IQSEC1: variants seen among roughly 807,000 people sequenced by gnomAD.
IQSEC1 encodes IQ motif and Sec7 domain ArfGEF 1, also known as IQ motif and SEC7 domain-containing protein 1.
A neutral mutation model predicts 91.0 loss-of-function variants in IQSEC1; 31 were observed. The ratio of observed to expected loss-of-function variants is 0.34; its 90% CI spans 0.26 to 0.46. The LOEUF is 0.46. Ranked by LOEUF, IQSEC1 falls within the 20% of genes least tolerant of loss-of-function variation. The pLI is 1.00. For synonymous variants in IQSEC1, 699 were observed against 662.6 expected (o/e 1.05, Z -0.84); for missense variants, 1,388 against 1,575.6 (o/e 0.88, Z 2.02).
At chr3:13,165,272 C>T (rs538815262) in intron 1 of IQSEC1, among the ~76,000 whole-genome samples, 34 of 152,180 alleles carry the variant, frequency 2.2e-4, no homozygotes, top group African/African-American at 7.7e-4. Flanking sequence ...ATGGTCCCCA[C>T]GGCAGCAGGT....
chr3:12,930,132 C>T (rs1484822552), intron 3 of IQSEC1, among the ~76,000 whole-genome samples: 1 of 152,198 alleles, frequency 6.6e-6, no homozygotes, highest in Non-Finnish European at 1.5e-5. Context: ...GCACTGAGTG[C>T]TTACCCTGGT....
chr3:13,212,679 C>T (rs1202876310), intron 1 of IQSEC1, among the ~76,000 whole-genome samples: 1 of 152,210 alleles, frequency 6.6e-6, no homozygotes, highest in Non-Finnish European at 1.5e-5. Context: ...CTCATCAACA[C>T]TTGTCATTGT....
At chr3:12,902,309 CAAG>C (rs993568501) in intron 13 of IQSEC1, among the ~76,000 whole-genome samples, 1 of 152,032 alleles carries the variant, frequency 6.6e-6, no homozygotes, top group Non-Finnish European at 1.5e-5. Context: ...AATCAAACTC[CAAG>C]AAGAAAGCGA....
intron 2 of IQSEC1, among the ~76,000 whole-genome samples, chr3:13,150,672 T>A (rs997009336): frequency 2.0e-5 from 3 of 152,040 alleles, no homozygotes; most frequent in Admixed American, 1.3e-4. Context: ...ATGCATTCGA[T>A]CTCCTCACAA....
rs543205876 is a variant in IQSEC1 at position 12,940,002 on chromosome 3, G to C, written c.318+1569C>G. ...GGCGTTCAGATAATATGCATGGAAT[G>C]AAAATGAATAGCTGCAGTCCTATTA... On this transcript the variant is annotated intron_variant, in intron 2 of 13. Coordinates refer to ENST00000613206, the MANE Select transcript of IQSEC1 (RefSeq NM_001134382.3). This position sits in a 1 kb window ranked among gnomAD's most constrained non-coding sequence, Gnocchi z 4.4. 3.9e-5 allele frequency among the ~76,000 whole-genome samples: 6 copies of C among 152,244 alleles called. No homozygotes were observed. Among genetic ancestry groups the C allele is most frequent in the Non-Finnish European group, 8.8e-5 (6 of 68,042 alleles).
chr3:13,088,540 G>C (rs1022033690), intron 2 of IQSEC1, among the ~76,000 whole-genome samples: 1 of 151,822 alleles, frequency 6.6e-6, no homozygotes, highest in African/African-American at 2.4e-5. Context: ...AATGGCCTTA[G>C]TACCCTCCCT....
chr3:12,899,113 TTGG>T lies in IQSEC1; in HGVS notation c.*1867_*1869del, dbSNP rs1460745213. 1.9e-6 allele frequency: 1 copy of T among 519,768 alleles called. No homozygotes were observed. The highest frequency in any genetic ancestry group is 3.1e-5 in the East Asian group (1 of 32,184). 32.2% of individuals were successfully genotyped at this position (519,768 alleles called of 1,614,324 possible). A position where few individuals can be genotyped will look rare whatever the true frequency, so the allele number is the denominator to read the frequency against. ...CTCTCTCTGGAGATTAACAAAGTGC[TTGG>T]TTTGCAGATTTGCTGGTACGGTGAT... On this transcript the variant is annotated 3_prime_UTR_variant, in exon 14 of 14. Transcript: ENST00000613206.
At chr3:13,217,577 C>T (rs916987389) in intron 1 of IQSEC1, among the ~76,000 whole-genome samples, 3 of 152,338 alleles carry the variant, frequency 2.0e-5, no homozygotes, top group South Asian at 2.1e-4. Context: ...GGCACCTCCA[C>T]AGCTGGTCCA....
At chr3:13,272,836 G>A (rs1182295750) in intron 1 of IQSEC1, among the ~76,000 whole-genome samples, 1 of 152,156 alleles carries the variant, frequency 6.6e-6, no homozygotes, top group Non-Finnish European at 1.5e-5. Flanking sequence ...AGGCTGCAGC[G>A]TTAAAGGGAT....
intron 1 of IQSEC1, chr3:12,987,102 G>A (rs1460539605): frequency 2.1e-5 from 7 of 338,408 alleles, no homozygotes; most frequent in Admixed American, 3.8e-5. Flanking sequence ...CGGCCAGTGC[G>A]GGTCATAAAC....
chr3:13,278,228 G>A (rs890380728), intron 1 of IQSEC1, among the ~76,000 whole-genome samples: 1 of 152,126 alleles, frequency 6.6e-6, no homozygotes, highest in Non-Finnish European at 1.5e-5. Context: ...AGAAAGCGAG[G>A]CAGGCCACTC....
intron 2 of IQSEC1, among the ~76,000 whole-genome samples, chr3:13,130,837 C>T (rs2124915847): frequency 6.6e-6 from 1 of 151,684 alleles, no homozygotes; most frequent in African/African-American, 2.4e-5. Flanking sequence ...TGCCTGTAGT[C>T]CCAGCTATGC....
At chr3:13,099,048 G>A (rs900033229) in intron 2 of IQSEC1, among the ~76,000 whole-genome samples, 1 of 152,216 alleles carries the variant, frequency 6.6e-6, no homozygotes, top group Non-Finnish European at 1.5e-5. Flanking sequence ...GGGGGATGGG[G>A]GGAACAGGCC....
At position 12,936,490 on chromosome 3, in the gene IQSEC1, A is replaced by G. The variant is rs1357819581; in HGVS notation, c.526T>C (p.Ser176Pro). 6.2e-7 allele frequency: 1 copy of G among 1,613,264 alleles called. No homozygotes were observed. Among genetic ancestry groups the G allele is most frequent in the Admixed American group, 1.7e-5 (1 of 60,008 alleles). The change falls in exon 3 of 14, where the codon TCC becomes CCC. Residue 176 changes from serine to proline, a missense_variant. Around this residue, in one of 2 missense-constraint regions of IQSEC1, gnomAD observed 1,059 missense variants for 1,317.8 expected, o/e 0.80. Transcript: ENST00000613206. ...SFEGPEKVHSSYFEGKQVSVT... is the reference protein window; with the variant it reads ...SFEGPEKVHSPYFEGKQVSVT... ...GAGACCTGCTTCCCCTCGAAGTAGG[A>G]GCTGTGCACTTTCTCAGGCCCCTCA...
intron 2 of IQSEC1, among the ~76,000 whole-genome samples, chr3:13,147,842 AG>A (rs1294544546): frequency 6.6e-6 from 1 of 152,224 alleles, no homozygotes; most frequent in African/African-American, 2.4e-5. Flanking sequence ...CATGTTGGCC[AG>A]GCTGGTCTCG....
At chr3:13,215,904 T>G (rs1202637172) in intron 1 of IQSEC1, among the ~76,000 whole-genome samples, 1 of 152,208 alleles carries the variant, frequency 6.6e-6, no homozygotes, top group Non-Finnish European at 1.5e-5. Context: ...ACAAGTATCC[T>G]CCGAGCCCCA....
chr3:12,936,061 G>A lies in IQSEC1; in HGVS notation c.955C>T (p.Arg319Trp), dbSNP rs773831156. 6.6e-5 allele frequency: 106 copies of A among 1,606,728 alleles called. No homozygotes were observed. Among genetic ancestry groups the A allele is most frequent in the Non-Finnish European group, 8.0e-5 (94 of 1,179,790 alleles). The change falls in exon 3 of 14, where the codon CGG (arginine) becomes TGG (tryptophan). Residue 319 changes from arginine (R) to tryptophan (W), a missense_variant. This residue lies in a region of IQSEC1 where 1,059 missense variants were observed against 1,317.8 expected (regional missense o/e 0.80). Transcript: ENST00000613206. ...DRPSSTESDL[R>W]LRAGGAAPDY... Reference sequence around the variant, plus strand: ...GGGGCTGCGCCCCCAGCCCGTAGCCGCAGGTCCGACTCGGTGCTGGACGGC... The same window carrying A: ...GGGGCTGCGCCCCCAGCCCGTAGCCACAGGTCCGACTCGGTGCTGGACGGC...
At position 13,017,078 on chromosome 3, in the gene IQSEC1, T is replaced by C. The variant is rs562461194; in HGVS notation, c.23+55914A>G. 2.6e-5 allele frequency among the ~76,000 whole-genome samples: 4 copies of C among 152,350 alleles called. No homozygotes were observed. In the South Asian group the frequency reaches 8.3e-4, roughly 32 times the overall value. On this transcript the variant is annotated intron_variant, in intron 1 of 13. Transcript: ENST00000613206. ...AACTTCATTTCTTTTTGTGGCTGAA[T>C]AATATTCCACACTATGGACAGACCA... is the stretch of plus-strand genomic sequence containing the variant.
chr3:12,946,444 T>A (rs1699186687), intron 1 of IQSEC1, among the ~76,000 whole-genome samples: 1 of 152,242 alleles, frequency 6.6e-6, no homozygotes, highest in South Asian at 2.1e-4. Flanking sequence ...GAACATCCTA[T>A]GAGCGTTAGG....
Sources: gnomAD v4.1 joint callset for allele counts (sites outside exome capture counted in the v4.1 genomes callset) on GRCh38, gnomAD v4.1.1 for gene constraint, gnomAD v4.1.1 regional missense constraint, Gnocchi (gnomAD v3.1) non-coding constraint, MANE v1.5 for transcripts, NCBI Gene and HGNC (gene_info 2026-07-23, HGNC 2026-07-21) for gene names.